Variants in DGKG observed in about 807,000 individuals in gnomAD.
DGKG encodes DAG kinase gamma.
A neutral mutation model predicts 105.3 loss-of-function variants in DGKG; 78 were observed. The ratio of observed to expected loss-of-function variants is 0.74; its 90% CI spans 0.62 to 0.89. The LOEUF (loss-of-function observed/expected upper bound fraction) is 0.89, where lower values mean the gene tolerates loss of function less well. Ranked by LOEUF, DGKG falls within the 40% of genes least tolerant of loss-of-function variation. The pLI is 0.00. For synonymous variants in DGKG, 346 were observed against 367.1 expected (o/e 0.94, Z 0.66); for missense variants, 958 against 1,020.1 (o/e 0.94, Z 0.83).
intron 14 of DGKG, among the ~76,000 whole-genome samples, chr3:186,264,956 A>G (rs1721971740): frequency 6.6e-6 from 1 of 152,190 alleles, no homozygotes; most frequent in Non-Finnish European, 1.5e-5. Context: ...CTTTGTTATT[A>G]TTTAGGACAT....
intron 17 of DGKG, among the ~76,000 whole-genome samples, chr3:186,257,312 G>A (rs987677200): frequency 3.9e-5 from 6 of 152,226 alleles, no homozygotes; most frequent in African/African-American, 1.4e-4. Context: ...TCCAGGTAGA[G>A]CTGGGTAGAA....
At chr3:186,178,597 A>T (rs1303061856) in intron 22 of DGKG, among the ~76,000 whole-genome samples, 1 of 152,186 alleles carries the variant, frequency 6.6e-6, no homozygotes, top group Non-Finnish European at 1.5e-5. Context: ...TCCTCTGCAG[A>T]TGCTGAGCAG....
intron 16 of DGKG, among the ~76,000 whole-genome samples, chr3:186,258,618 A>G (rs1721597157): frequency 6.6e-6 from 1 of 152,192 alleles, no homozygotes; most frequent in Non-Finnish European, 1.5e-5. Context: ...TCAGCGGTCA[A>G]AATCACAGCC....
chr3:186,190,625 T>C (rs1265196011), intron 21 of DGKG, among the ~76,000 whole-genome samples: 1 of 152,230 alleles, frequency 6.6e-6, no homozygotes, highest in African/African-American at 2.4e-5. Context: ...TCTCATGATC[T>C]ATTTTTCATC....
chr3:186,272,387 G>T, intron 10 of DGKG, 44 bp from the exon 11 acceptor site: 1 of 1,449,042 alleles, frequency 6.9e-7, no homozygotes, highest in East Asian at 2.3e-5. Context: ...GAATAGCCAC[G>T]TAGGAAAGGC....
intron 2 of DGKG, chr3:186,313,349 A>G (rs1724652268): frequency 1.0e-5 from 2 of 200,932 alleles, no homozygotes; most frequent in Non-Finnish European, 1.8e-5. Context: ...ATAGAAGCAG[A>G]GGAAATTGGG....
intron 14 of DGKG, among the ~76,000 whole-genome samples, chr3:186,263,122 G>C (rs1019248753): frequency 2.3e-5 from 3 of 132,272 alleles, no homozygotes; most frequent in Non-Finnish European, 5.1e-5. Flanking sequence ...GCAAGACTCC[G>C]TCTCGGAAAA....
Position 186,149,199 on chromosome 3 carries a change from A to G in DGKG, c.*891T>C. ...CCAGGGCTTGGAACTCAAACAGGAA[A>G]CACGCTTTGGCTTGAAAAAGAAAGA... On this transcript the variant is annotated 3_prime_UTR_variant, in exon 25 of 25. Transcript: ENST00000265022. 1.0e-6 allele frequency: 1 copy of G among 984,308 alleles called. No homozygotes were observed. 61.0% of individuals were successfully genotyped at this position (984,308 alleles called of 1,614,324 possible). A position where few individuals can be genotyped will look rare whatever the true frequency, so the allele number is the denominator to read the frequency against.
intron 3 of DGKG, among the ~76,000 whole-genome samples, chr3:186,304,942 A>G (rs925976141): frequency 5.3e-5 from 8 of 152,308 alleles, no homozygotes; most frequent in Non-Finnish European, 1.0e-4. Context: ...CTATATTTTT[A>G]TGCCTTCTAC....
intron 16 of DGKG, among the ~76,000 whole-genome samples, chr3:186,259,621 A>C (rs1721655857): frequency 6.6e-6 from 1 of 152,068 alleles, no homozygotes; most frequent in South Asian, 2.1e-4. Context: ...CGGAGCAGAA[A>C]TCCTGGTTTG....
chr3:186,184,515 TCAGC>T (rs1216390387), intron 22 of DGKG, among the ~76,000 whole-genome samples: 6 of 37,560 alleles, frequency 1.6e-4, no homozygotes, highest in South Asian at 6.7e-4. Context: ...TTCTCCTGCC[TCAGC>T]CTCCCTTGTA....
intron 3 of DGKG, among the ~76,000 whole-genome samples, chr3:186,301,180 T>C (rs1723902856): frequency 6.6e-6 from 1 of 152,230 alleles, no homozygotes; most frequent in Admixed American, 6.5e-5. Flanking sequence ...GGATTCTGAC[T>C]TCTGTTCCAT....
In DGKG at chr3:186,247,599, A is replaced by C. The variant is rs186086182; in HGVS notation, c.1761+4160T>G. 3.2e-3 allele frequency among the ~76,000 whole-genome samples: 482 copies of C among 151,998 alleles called. 1 individual carries two copies. The highest frequency in any genetic ancestry group is 0.011 in the African/African-American group (463 of 41,442). On this transcript the variant is annotated intron_variant, in intron 19 of 24. Coordinates refer to ENST00000265022, the MANE Select transcript of DGKG (RefSeq NM_001346.3). ...GACCTTCTGCAAATGTCAGCCCCAGACTCTGTTAGGGTTGCGTGTTGGTTA... is the reference window on the plus strand; with the variant it reads ...GACCTTCTGCAAATGTCAGCCCCAGCCTCTGTTAGGGTTGCGTGTTGGTTA...
intron 1 of DGKG, among the ~76,000 whole-genome samples, chr3:186,353,474 A>G (rs1726733781): frequency 6.6e-6 from 1 of 151,738 alleles, no homozygotes; most frequent in Non-Finnish European, 1.5e-5. Flanking sequence ...AGCCAAGATC[A>G]CAGCACTGCA....
intron 22 of DGKG, among the ~76,000 whole-genome samples, chr3:186,176,808 G>A (rs1431014765): frequency 1.3e-5 from 2 of 152,224 alleles, no homozygotes; most frequent in Non-Finnish European, 2.9e-5. Flanking sequence ...AAATAGACCT[G>A]AGGATGAAAA....
At chr3:186,296,664 C>A (rs535687542) in intron 5 of DGKG, among the ~76,000 whole-genome samples, 133 of 152,352 alleles carry the variant, frequency 8.7e-4, no homozygotes, top group African/African-American at 3.2e-3. Flanking sequence ...ACCACACCAC[C>A]AGGACCACTG....
intron 17 of DGKG, among the ~76,000 whole-genome samples, chr3:186,254,703 C>A (rs1422355689): frequency 6.6e-6 from 1 of 152,124 alleles, no homozygotes; most frequent in African/African-American, 2.4e-5. Flanking sequence ...ATGATTCCTT[C>A]CCACTGGTAT....
intron 20 of DGKG, among the ~76,000 whole-genome samples, chr3:186,230,191 G>T (rs1720081636): frequency 6.6e-6 from 1 of 152,208 alleles, no homozygotes; most frequent in African/African-American, 2.4e-5. Flanking sequence ...CCAGGAGGTG[G>T]AGGCTGCAGT....
At chr3:186,221,967 C>T (rs544861964) in intron 20 of DGKG, among the ~76,000 whole-genome samples, 1 of 152,290 alleles carries the variant, frequency 6.6e-6, no homozygotes, top group South Asian at 2.1e-4. Context: ...GTGGGTCTGA[C>T]CTGCACTGGC....
Sources: allele counts gnomAD v4.1 joint callset (sites outside exome capture counted in the v4.1 genomes callset), GRCh38; gene constraint gnomAD v4.1.1; transcripts MANE v1.5; gene names NCBI Gene and HGNC (gene_info 2026-07-23, HGNC 2026-07-21).